Variants in TMEM132E observed in about 807,000 individuals in gnomAD.
TMEM132E encodes transmembrane protein 132E.
In TMEM132E, 49 loss-of-function variants were observed where a neutral mutation model predicts 78.5. The ratio of observed to expected loss-of-function variants is 0.62; its 90% CI spans 0.50 to 0.79. The LOEUF is 0.79. Among genes scored for constraint, TMEM132E ranks in the 30% least tolerant of loss-of-function variants. TMEM132E has a pLI of 0.00. For missense variants in TMEM132E, 1,403 were observed against 1,470.9 expected, an observed-to-expected ratio of 0.95 and a Z score of 0.75; for synonymous variants, 715 against 670.6, an observed-to-expected ratio of 1.07 and a Z score of -1.02.
Position 34,634,988 on chromosome 17 carries a change from C to A in TMEM132E, c.1878C>A (p.Asp626Glu). Residue 626 changes from aspartate (D) to glutamate (E), a missense_variant, in exon 7 of 9, where the codon GAC becomes GAA. Physicochemically the swap from Asp to Glu is conservative, Grantham distance 45. This residue lies in a region of TMEM132E where 888 missense variants were observed against 952.8 expected (regional missense o/e 0.93). Transcript: ENST00000631683. ...LGPDWLVEVT[D>E]LVSDFMRVGD... ...CGGACTGGCTGGTGGAGGTCACCGA[C>A]CTAGTCAGTGACTTCATGCGGGTGG... 1 of 1,614,088 alleles carries A rather than the reference C, an allele frequency of 6.2e-7. No individual in the cohort carries two copies. Among genetic ancestry groups the A allele is most frequent in the Non-Finnish European group, 8.5e-7 (1 of 1,180,032 alleles).
chr17:34,581,030 G>A lies in TMEM132E; in HGVS notation c.-47G>A. 6.7e-7 allele frequency: 1 copy of A among 1,494,848 alleles called. No individual in the cohort carries two copies. Among genetic ancestry groups the A allele is most frequent in the East Asian group, 2.6e-5 (1 of 39,140 alleles). The allele number at this position is 1,494,848 out of a possible 1,614,324, so 92.6% of individuals were successfully genotyped here. On this transcript the variant is annotated 5_prime_UTR_variant, in exon 1 of 9. Coordinates refer to ENST00000631683, the MANE Select transcript of TMEM132E (RefSeq NM_001304438.2). The stretch of plus-strand genomic sequence containing the variant: ...ACCAAGCCCAGCCTGGGGCCAAGTC[G>A]TCGTCGACTGTTGCTCTCTCGGACC...
intron 1 of TMEM132E, among the ~76,000 whole-genome samples, chr17:34,612,335 C>T (rs567352651): frequency 6.6e-6 from 1 of 152,326 alleles, no homozygotes; most frequent in Admixed American, 6.5e-5. Context: ...GGCTCCTCCT[C>T]CAGGGGCAGG....
intron 1 of TMEM132E, among the ~76,000 whole-genome samples, chr17:34,620,591 A>C (rs1174158978): frequency 6.6e-6 from 1 of 152,250 alleles, no homozygotes; most frequent in African/African-American, 2.4e-5. Context: ...ACAGGGACAC[A>C]GGAGCCAGTG....
At chr17:34,606,560 C>T (rs1478148400) in intron 1 of TMEM132E, among the ~76,000 whole-genome samples, 1 of 152,174 alleles carries the variant, frequency 6.6e-6, no homozygotes, top group Non-Finnish European at 1.5e-5. Flanking sequence ...TGGATTTGTT[C>T]TGCCCCACAG....
intron 1 of TMEM132E, chr17:34,614,424 T>C (rs533474909): frequency 6.6e-6 from 1 of 152,156 alleles, no homozygotes; most frequent in East Asian, 1.9e-4. Flanking sequence ...AGGGTGAGGG[T>C]GGGGTCCCTC....
intron 1 of TMEM132E, among the ~76,000 whole-genome samples, chr17:34,590,435 A>G (rs934487425): frequency 1.3e-5 from 2 of 152,216 alleles, no homozygotes; most frequent in African/African-American, 4.8e-5. Context: ...GTTGCAAAGG[A>G]TACAGAGCAT....
intron 1 of TMEM132E, 52 bp downstream of exon 1, chr17:34,581,195 G>A (rs1905467240): frequency 1.4e-6 from 2 of 1,451,810 alleles, no homozygotes; most frequent in Non-Finnish European, 1.8e-6. Flanking sequence ...CGCCACTGGA[G>A]GGGGTACGGG....
At chr17:34,614,948 C>A (rs1312154014) in intron 1 of TMEM132E, 1 of 152,296 alleles carries the variant, frequency 6.6e-6, no homozygotes, top group African/African-American at 2.4e-5. Flanking sequence ...GACCATGGCC[C>A]AGCTGATCTC....
intron 1 of TMEM132E, among the ~76,000 whole-genome samples, chr17:34,621,961 GT>G (rs1381612226): frequency 6.6e-6 from 1 of 152,142 alleles, no homozygotes; most frequent in African/African-American, 2.4e-5. Context: ...CCTGACCTCA[GT>G]TTCTGTGTTG....
intron 1 of TMEM132E, among the ~76,000 whole-genome samples, chr17:34,625,240 T>C (rs1270518263): frequency 6.6e-6 from 1 of 152,048 alleles, no homozygotes; most frequent in Non-Finnish European, 1.5e-5. Flanking sequence ...TTGCCAGAAG[T>C]TGGCAGCTTC....
chr17:34,606,138 AG>A (rs1906406235), intron 1 of TMEM132E, among the ~76,000 whole-genome samples: 1 of 152,138 alleles, frequency 6.6e-6, no homozygotes, highest in Admixed American at 6.5e-5. Flanking sequence ...TCAGGTCAGG[AG>A]TTCGAGACCA....
At chr17:34,595,817 G>A (rs771758447) in intron 1 of TMEM132E, among the ~76,000 whole-genome samples, 18 of 152,198 alleles carry the variant, frequency 1.2e-4, no homozygotes, top group African/African-American at 4.8e-5. Context: ...GGTCACAGCT[G>A]TGGGTAACCT....
At position 34,626,596 on chromosome 17, in the gene TMEM132E, C is replaced by T. The variant is rs970514721; in HGVS notation, c.537C>T (p.Ser179=). The T allele has an allele frequency of 1.3e-6, 2 of 1,542,734 alleles. No individual in the cohort carries two copies. The highest frequency in any genetic ancestry group is 2.7e-5 in the African/African-American group (2 of 73,518). ...GGGATGCCCGGGAAGTCAAGAGCTCCTGCCGCCTCAGCGGGGGCCTGGCCA... is the reference window on the plus strand; with the variant it reads ...GGGATGCCCGGGAAGTCAAGAGCTCTTGCCGCCTCAGCGGGGGCCTGGCCA... ...AFRDAREVKS[S]CRLSGGLATC... Residue 179 remains serine (S), a synonymous_variant, in exon 2 of 9, where the codon TCC becomes TCT. Transcript: ENST00000631683.
chr17:34,612,921 G>A (rs1237283557), intron 1 of TMEM132E, among the ~76,000 whole-genome samples: 1 of 152,028 alleles, frequency 6.6e-6, no homozygotes, highest in Middle Eastern at 3.2e-3. Context: ...GTGAGGTTGG[G>A]GTGACACTCA....
At chr17:34,613,873 C>T (rs1239110935) in intron 1 of TMEM132E, among the ~76,000 whole-genome samples, 1 of 152,068 alleles carries the variant, frequency 6.6e-6, no homozygotes, top group Non-Finnish European at 1.5e-5. Flanking sequence ...AGGAGGTTGT[C>T]CTTGCTGCTG....
intron 1 of TMEM132E, among the ~76,000 whole-genome samples, chr17:34,611,175 G>C (rs1906579566): frequency 6.6e-6 from 1 of 152,244 alleles, no homozygotes; most frequent in African/African-American, 2.4e-5. Flanking sequence ...CATGTGCAAA[G>C]GCACAGAGGC....
intron 1 of TMEM132E, among the ~76,000 whole-genome samples, chr17:34,613,577 A>C (rs1906684612): frequency 6.6e-6 from 1 of 150,810 alleles, no homozygotes; most frequent in Non-Finnish European, 1.5e-5. Flanking sequence ...CTCCAGGCTT[A>C]TCTCCTATTT....
intron 1 of TMEM132E, among the ~76,000 whole-genome samples, chr17:34,611,976 GT>G (rs1159190195): frequency 8.5e-5 from 13 of 152,244 alleles, no homozygotes; most frequent in African/African-American, 3.1e-4. Context: ...GGGACCGAGG[GT>G]CTACTATTAA....
chr17:34,635,813 C>T (rs1241734863), intron 7 of TMEM132E, 194 bp from the exon 8 acceptor site: 3 of 445,464 alleles, frequency 6.7e-6, no homozygotes, highest in Admixed American at 4.4e-5. Flanking sequence ...TGTGAGCCCC[C>T]GACCCTCTCA....
Sources: gnomAD v4.1 joint callset for allele counts (sites outside exome capture counted in the v4.1 genomes callset) on GRCh38, gnomAD v4.1.1 for gene constraint, gnomAD v4.1.1 regional missense constraint, MANE v1.5 for transcripts, NCBI Gene and HGNC (gene_info 2026-07-23, HGNC 2026-07-21) for gene names.